ASIC2: variants seen among roughly 807,000 people sequenced by gnomAD.
ASIC2 encodes the protein acid sensing ion channel subunit 2.
A neutral mutation model predicts 57.3 loss-of-function variants in ASIC2; 25 were observed. The ratio of observed to expected loss-of-function variants is 0.44; its 90% confidence interval spans 0.32 to 0.61. The LOEUF (loss-of-function observed/expected upper bound fraction) is 0.61. Ranked by LOEUF, ASIC2 falls within the 20% of genes least tolerant of loss-of-function variation. ASIC2 has a pLI of 0.06. For synonymous variants in ASIC2, 319 were observed against 307.5 expected, an observed-to-expected ratio of 1.04 and a Z score of -0.39; for missense variants, 641 against 738.1, an observed-to-expected ratio of 0.87 and a Z score of 1.52.
intron 1 of ASIC2, among the ~76,000 whole-genome samples, chr17:33,349,402 T>C (rs924015199): frequency 6.6e-6 from 1 of 152,124 alleles, no homozygotes; most frequent in African/African-American, 2.4e-5. Flanking sequence ...GGTCAGTTAT[T>C]ATGGGTCACA....
intron 1 of ASIC2, among the ~76,000 whole-genome samples, chr17:33,446,154 G>A (rs150508658): frequency 2.0e-5 from 3 of 152,206 alleles, no homozygotes; most frequent in East Asian, 1.9e-4. Flanking sequence ...CCCCAGCCCC[G>A]TGGAAGTAGG....
At chr17:33,714,609 A>G (rs1020296556) in intron 1 of ASIC2, among the ~76,000 whole-genome samples, 30 of 152,168 alleles carry the variant, frequency 2.0e-4, no homozygotes, top group African/African-American at 7.2e-4. Context: ...AAAACCATGA[A>G]CAGGAAGGAA....
At chr17:33,436,853 C>CTTTTTTTTTTTTTTTT (rs71144877) in intron 1 of ASIC2, among the ~76,000 whole-genome samples, 1 of 66,596 alleles carries the variant, frequency 1.5e-5, no homozygotes, top group African/African-American at 5.0e-5. Flanking sequence ...ATTCCAACTT[C>CTTTTTTTTTTTTTTTT]TTTTTTTTTT....
intron 1 of ASIC2, among the ~76,000 whole-genome samples, chr17:34,049,865 G>A (rs966842389): frequency 8.5e-5 from 13 of 152,112 alleles, no homozygotes; most frequent in African/African-American, 1.7e-4. Flanking sequence ...CTGTGTTCAT[G>A]TTGGACCTTC....
chr17:33,075,099 C>T (rs1438308813), intron 3 of ASIC2, among the ~76,000 whole-genome samples: 2 of 152,098 alleles, frequency 1.3e-5, no homozygotes, highest in Non-Finnish European at 2.9e-5. Context: ...CCCACAATTC[C>T]CATGTGTTGT....
At chr17:33,969,958 A>G (rs972731073) in intron 1 of ASIC2, among the ~76,000 whole-genome samples, 8 of 152,144 alleles carry the variant, frequency 5.3e-5, no homozygotes, top group Non-Finnish European at 1.2e-4. Context: ...AGGCCCACTC[A>G]TGGTCCAAGC....
intron 1 of ASIC2, among the ~76,000 whole-genome samples, chr17:33,904,077 T>G (rs541766073): frequency 6.9e-6 from 1 of 144,696 alleles, no homozygotes; most frequent in East Asian, 2.0e-4. Context: ...GCAGGAGAAT[T>G]GCTTGAACCC....
intron 1 of ASIC2, among the ~76,000 whole-genome samples, chr17:33,661,613 G>T (rs1305480902): frequency 6.6e-6 from 1 of 152,172 alleles, no homozygotes; most frequent in Admixed American, 6.5e-5. Flanking sequence ...GAGAGTAGTT[G>T]GGAAATGATA....
intron 1 of ASIC2, among the ~76,000 whole-genome samples, chr17:33,280,771 A>G (rs1433742752): frequency 1.3e-5 from 2 of 152,094 alleles, no homozygotes; most frequent in African/African-American, 4.8e-5. Flanking sequence ...TCTTTCCATA[A>G]TTTTCTCTGT....
At chr17:34,043,069 G>A (rs1316018492) in intron 1 of ASIC2, among the ~76,000 whole-genome samples, 1 of 152,120 alleles carries the variant, frequency 6.6e-6, no homozygotes, top group Non-Finnish European at 1.5e-5. Flanking sequence ...ACATGCAGAA[G>A]GATGAAAATA....
chr17:33,230,865 T>C (rs1422346231), intron 1 of ASIC2, among the ~76,000 whole-genome samples: 2 of 152,124 alleles, frequency 1.3e-5, no homozygotes, highest in African/African-American at 4.8e-5. Flanking sequence ...TTCAAGGTGA[T>C]ACGCAACGAA....
intron 1 of ASIC2, among the ~76,000 whole-genome samples, chr17:33,460,109 A>G (rs1912585961): frequency 6.6e-6 from 1 of 152,202 alleles, no homozygotes; most frequent in East Asian, 1.9e-4. Flanking sequence ...CCTCCAACAC[A>G]TCTATTTCTT....
chr17:33,723,954 G>A (rs908414265), intron 1 of ASIC2, among the ~76,000 whole-genome samples: 1 of 152,184 alleles, frequency 6.6e-6, no homozygotes, highest in Non-Finnish European at 1.5e-5. Context: ...GGAATAGTCA[G>A]TGATGTGGTT....
intron 1 of ASIC2, among the ~76,000 whole-genome samples, chr17:33,215,036 G>A (rs1907424911): frequency 6.6e-6 from 1 of 152,174 alleles, no homozygotes; most frequent in Admixed American, 6.5e-5. Flanking sequence ...TGAAGACGAA[G>A]CCCTGTCACA....
chr17:34,143,961 TAA>T (rs1264469742), intron 1 of ASIC2, among the ~76,000 whole-genome samples: 5 of 152,182 alleles, frequency 3.3e-5, no homozygotes, highest in Admixed American at 1.3e-4. Context: ...CAAAACAGAC[TAA>T]GACTAAGACA....
intron 9 of ASIC2, among the ~76,000 whole-genome samples, chr17:33,015,422 TCAG>T (rs2091800539): frequency 6.6e-6 from 1 of 152,184 alleles, no homozygotes; most frequent in African/African-American, 2.4e-5. Flanking sequence ...GCTCTGACAC[TCAG>T]CAGCTGTGGG....
At chr17:33,652,803 G>A (rs1268776016) in intron 1 of ASIC2, among the ~76,000 whole-genome samples, 2 of 152,178 alleles carry the variant, frequency 1.3e-5, no homozygotes, top group East Asian at 3.9e-4. Context: ...GTGTGCCTCT[G>A]TTTCACAAAT....
At chr17:33,491,610 A>G (rs773932193) in intron 1 of ASIC2, among the ~76,000 whole-genome samples, 70 of 152,212 alleles carry the variant, frequency 4.6e-4, no homozygotes, top group Non-Finnish European at 1.2e-4. Flanking sequence ...TTGATCTAAC[A>G]TAGTCATTTG....
At chr17:33,520,516 G>A (rs760220467) in intron 1 of ASIC2, among the ~76,000 whole-genome samples, 3 of 152,186 alleles carry the variant, frequency 2.0e-5, no homozygotes, top group Non-Finnish European at 4.4e-5. Flanking sequence ...GGCCACCTGG[G>A]ATTAATCACC....
Sources: gnomAD v4.1 joint callset for allele counts (sites outside exome capture counted in the v4.1 genomes callset) on GRCh38, gnomAD v4.1.1 for gene constraint, MANE v1.5 for transcripts, NCBI Gene and HGNC (gene_info 2026-07-23, HGNC 2026-07-21) for gene names.